Variants in TXN2 observed in about 807,000 individuals in gnomAD.
The protein encoded by TXN2 is thioredoxin, mitochondrial.
TXN2 carries 12 observed loss-of-function variants against 14.6 expected under a neutral mutation model. The ratio of observed to expected loss-of-function variants is 0.82; its 90% CI spans 0.53 to 1.33. TXN2 has a LOEUF of 1.33. TXN2 is among the 40% of genes most tolerant of loss of function. The pLI is 0.00. For missense variants in TXN2, 173 were observed against 207.7 expected, an observed-to-expected ratio of 0.83 and a Z score of 1.03; for synonymous variants, 89 against 81.0, an observed-to-expected ratio of 1.10 and a Z score of -0.53.
intron 2 of TXN2, among the ~76,000 whole-genome samples, chr22:36,478,047 G>A (rs1015232639): frequency 7.0e-6 from 1 of 143,762 alleles, no homozygotes. Flanking sequence ...TGAGGCAGGA[G>A]AATCACTTTA....
chr22:36,467,784 C>G lies in TXN2; in HGVS notation c.*20G>C. On this transcript the variant is annotated 3_prime_UTR_variant, in exon 4 of 4. Coordinates refer to ENST00000216185, the MANE Select transcript of TXN2 (RefSeq NM_012473.4). The stretch of plus-strand genomic sequence containing the variant: ...TTGGGGTCCCACGCGGGCAAGGGAA[C>G]CAGGACTCATCCCTGCTTGTCAGCC... The G allele has an allele frequency of 6.2e-7, 1 of 1,602,472 alleles. No homozygotes were observed. Among genetic ancestry groups the G allele is most frequent in the Non-Finnish European group, 8.5e-7 (1 of 1,170,566 alleles).
At position 36,480,798 on chromosome 22, in the gene TXN2, C is replaced by G; in HGVS notation, c.40G>C (p.Val14Leu). Residue 14 changes from valine (V) to leucine (L), a missense_variant, in exon 2 of 4, where the codon GTC (valine) becomes CTC (leucine). Val to Leu is a conservative substitution (Grantham distance 32, BLOSUM62 1). Transcript: ENST00000216185. ...RLLLRRFLAS[V>L]ISRKPSQGQW... ...CCCTGAGAGGGCTTCCTGGAGATGACAGAGGCCAGGAACCTCCTCAGAAGA... is the reference window on the plus strand; with the variant it reads ...CCCTGAGAGGGCTTCCTGGAGATGAGAGAGGCCAGGAACCTCCTCAGAAGA... 1 of 1,607,874 alleles carries G rather than the reference C, an allele frequency of 6.2e-7. No individual in the cohort carries two copies. Among genetic ancestry groups the G allele is most frequent in the Non-Finnish European group, 8.5e-7 (1 of 1,176,244 alleles).
Position 36,472,969 on chromosome 22 carries a change from C to T in TXN2, c.387+3764G>A, listed in dbSNP as rs545855853. Among the ~76,000 whole-genome samples the T allele has an allele frequency of 5.3e-5, 8 of 152,112 alleles. No individual in the cohort carries two copies. In the South Asian group the frequency reaches 8.3e-4, roughly 16 times the overall value. On this transcript the variant is annotated intron_variant, in intron 3 of 3. Coordinates refer to ENST00000216185, the MANE Select transcript of TXN2 (RefSeq NM_012473.4). ...GAACATTGGCTTCTCTCCATGTCGG[C>T]TCAGGACACCCAGCCCTGGCATTAC...
intron 2 of TXN2, among the ~76,000 whole-genome samples, chr22:36,479,339 T>C (rs565487787): frequency 2.0e-5 from 3 of 151,636 alleles, no homozygotes; most frequent in East Asian, 1.9e-4. Flanking sequence ...TTTTTCTTTT[T>C]TTTTTTTTTT....
chr22:36,479,334 CTTT>C (rs773194867), intron 2 of TXN2, among the ~76,000 whole-genome samples: 6 of 139,396 alleles, frequency 4.3e-5, no homozygotes, highest in Admixed American at 7.2e-5. Context: ...ATTTCTTTTT[CTTT>C]TTTTTTTTTT....
intron 2 of TXN2, among the ~76,000 whole-genome samples, chr22:36,479,011 T>C (rs953626722): frequency 4.6e-5 from 7 of 152,102 alleles, no homozygotes; most frequent in Non-Finnish European, 7.4e-5. Flanking sequence ...CCTGTAATCC[T>C]AGCACTTTGG....
chr22:36,476,591 CAA>C (rs879161371), intron 3 of TXN2, 140 bp downstream of exon 3: 168 of 958,342 alleles, frequency 1.8e-4, no homozygotes, highest in Middle Eastern at 3.8e-4. Context: ...GATTCCGTCT[CAA>C]AAAAAAAAAG....
At chr22:36,474,479 G>A (rs1022185916) in intron 3 of TXN2, among the ~76,000 whole-genome samples, 4 of 152,160 alleles carry the variant, frequency 2.6e-5, no homozygotes, top group African/African-American at 9.7e-5. Flanking sequence ...TAGTAAGAGT[G>A]AAACCTGGAC....
upstream of TXN2, chr22:36,481,640 C>CGG (rs1555885385): frequency 2.7e-4 from 258 of 949,464 alleles, 2 homozygotes; most frequent in African/African-American, 3.6e-3. Context: ...GTCACTTCCT[C>CGG]GGGGGGGGAC....
chr22:36,476,424 C>T (rs540336123), intron 3 of TXN2, among the ~76,000 whole-genome samples: 2 of 152,180 alleles, frequency 1.3e-5, no homozygotes, highest in African/African-American at 4.8e-5. Flanking sequence ...TACCCTGTCT[C>T]TACTAAAAAT....
intron 2 of TXN2, among the ~76,000 whole-genome samples, chr22:36,479,467 G>A (rs914182778): frequency 1.1e-4 from 17 of 151,954 alleles, no homozygotes; most frequent in Non-Finnish European, 1.8e-4. Flanking sequence ...GGGTAGCTGG[G>A]ATTACAGGTG....
At chr22:36,469,870 C>T (rs909774894) in intron 3 of TXN2, among the ~76,000 whole-genome samples, 2 of 152,086 alleles carry the variant, frequency 1.3e-5, no homozygotes, top group Non-Finnish European at 2.9e-5. Context: ...GCAGGAGAAT[C>T]GCTTGAACCC....
At chr22:36,481,533 C>A in intron 1 of TXN2, 31 bp downstream of exon 1, 4 of 988,002 alleles carry the variant, frequency 4.0e-6, no homozygotes, top group Middle Eastern at 5.2e-4. Context: ...AGCCGCGACA[C>A]CACCTCGAGC....
chr22:36,480,834 C>T lies in TXN2; in HGVS notation c.4G>A (p.Ala2Thr), dbSNP rs371427353. The change falls in exon 2 of 4, where the codon GCT becomes ACT. Residue 2 changes from alanine to threonine, a missense_variant. Physicochemically the swap from Ala to Thr is moderately conservative, Grantham distance 58. Coordinates refer to ENST00000216185, the MANE Select transcript of TXN2 (RefSeq NM_012473.4). M[A>T]QRLLLRRFLA... The stretch of plus-strand genomic sequence containing the variant: ...AACCTCCTCAGAAGAAGTCGCTGAG[C>T]CATCTGTGAGGGAAAGAGGCAGAAG... 2 of 1,561,566 alleles carry T rather than the reference C, an allele frequency of 1.3e-6. No homozygotes were observed. The highest frequency in any genetic ancestry group is 1.7e-6 in the Non-Finnish European group (2 of 1,153,128).
Position 36,478,300 on chromosome 22 carries a change from G to A in TXN2, c.264-1444C>T, listed in dbSNP as rs540530138. ...TGGTGCTGTCATCTCTATGTATGTG[G>A]CACCAAGGAAAGTGCCTGGCACTGA... On this transcript the variant is annotated intron_variant, in intron 2 of 3. Transcript: ENST00000216185. Among the ~76,000 whole-genome samples the A allele has an allele frequency of 1.2e-4, 18 of 152,182 alleles. No individual in the cohort carries two copies. The South Asian group carries it at 3.7e-3, about 32-fold the overall frequency.
At chr22:36,480,948 T>A (rs1387660668) in intron 1 of TXN2, 111 bp from the exon 2 acceptor site, 2 of 1,195,018 alleles carry the variant, frequency 1.7e-6, no homozygotes, top group African/African-American at 3.1e-5. Flanking sequence ...GGAAGCAAAA[T>A]GCAAGGAAAT....
At chr22:36,477,774 G>A (rs376639971) in intron 2 of TXN2, among the ~76,000 whole-genome samples, 6 of 152,262 alleles carry the variant, frequency 3.9e-5, no homozygotes, top group African/African-American at 1.4e-4. Flanking sequence ...AAGCCCATAC[G>A]AGTTAAGAAA....
At chr22:36,476,658 C>T in intron 3 of TXN2, 75 bp downstream of exon 3, 1 of 1,600,278 alleles carries the variant, frequency 6.2e-7, no homozygotes, top group South Asian at 1.1e-5. Flanking sequence ...CCCAAGATAC[C>T]TCCTACACCA....
intron 3 of TXN2, among the ~76,000 whole-genome samples, chr22:36,472,891 C>T (rs60056318): frequency 7.6e-5 from 8 of 105,208 alleles, no homozygotes; most frequent in Non-Finnish European, 1.3e-4. Flanking sequence ...GCCTTCAGAA[C>T]CAGAAAGTCA....
Sources: gnomAD v4.1 joint callset for allele counts (sites outside exome capture counted in the v4.1 genomes callset) on GRCh38, gnomAD v4.1.1 for gene constraint, MANE v1.5 for transcripts, NCBI Gene and HGNC (gene_info 2026-07-23, HGNC 2026-07-21) for gene names.